Variants in SMYD3 observed in about 807,000 individuals in gnomAD.
SMYD3 encodes histone-lysine N-methyltransferase SMYD3.
In SMYD3, 36 loss-of-function variants were observed where a neutral mutation model predicts 57.7. The observed-to-expected ratio is 0.62, with a 90% CI of 0.48 to 0.82. The LOEUF is 0.82. Ranked by LOEUF, SMYD3 falls within the 40% of genes least tolerant of loss-of-function variation. The pLI is 0.00. For synonymous variants in SMYD3, 211 were observed against 195.0 expected (o/e 1.08, Z -0.68); for missense variants, 515 against 538.8 (o/e 0.96, Z 0.44).
chr1:246,116,479 T>C (rs1274178204), intron 5 of SMYD3, among the ~76,000 whole-genome samples: 2 of 152,214 alleles, frequency 1.3e-5, no homozygotes, highest in African/African-American at 2.4e-5. Flanking sequence ...GAAGATACCA[T>C]ATAACTCAAT....
At chr1:246,035,060 C>A (rs1375344339) in intron 5 of SMYD3, among the ~76,000 whole-genome samples, 2 of 152,170 alleles carry the variant, frequency 1.3e-5, no homozygotes, top group African/African-American at 4.8e-5. Context: ...TCCCCAGCCT[C>A]CCACCTGACC....
chr1:246,083,082 C>G (rs192553516), intron 5 of SMYD3, among the ~76,000 whole-genome samples: 4,273 of 151,784 alleles, frequency 0.028, 198 homozygotes, highest in African/African-American at 0.097. Context: ...AAGACCTGAC[C>G]GTCCCCCAGC....
At chr1:245,753,300 A>G (rs2045471425) in intron 11 of SMYD3, among the ~76,000 whole-genome samples, 1 of 152,170 alleles carries the variant, frequency 6.6e-6, no homozygotes. Context: ...GTAAAACGCC[A>G]TATAGATTTG....
chr1:245,862,548 C>G (rs10924365), intron 9 of SMYD3, among the ~76,000 whole-genome samples: 1 of 151,728 alleles, frequency 6.6e-6, no homozygotes, highest in East Asian at 1.9e-4. Flanking sequence ...CCTCTATTAT[C>G]CTCCCCATCT....
intron 5 of SMYD3, among the ~76,000 whole-genome samples, chr1:245,939,917 G>T (rs1395651786): frequency 1.3e-5 from 2 of 152,196 alleles, no homozygotes; most frequent in African/African-American, 4.8e-5. Flanking sequence ...TGAAAAAGAA[G>T]AAGAGAGAGG....
intron 10 of SMYD3, among the ~76,000 whole-genome samples, chr1:245,828,704 TTC>T (rs1226749822): frequency 1.0e-5 from 1 of 96,764 alleles, no homozygotes; most frequent in African/African-American, 3.5e-5. Flanking sequence ...ATGTCAGTTT[TTC>T]TGATTTTTTT....
At chr1:246,190,584 C>CA (rs11302731) in intron 5 of SMYD3, among the ~76,000 whole-genome samples, 22,171 of 62,912 alleles carry the variant, frequency 0.35, 5,045 homozygotes, top group Non-Finnish European at 0.48. Context: ...GACTCTGTCT[C>CA]AAAAAAAAAA....
intron 5 of SMYD3, among the ~76,000 whole-genome samples, chr1:246,150,975 C>T (rs888465426): frequency 1.3e-5 from 2 of 152,124 alleles, no homozygotes; most frequent in South Asian, 4.1e-4. Flanking sequence ...TGGCTGGGCG[C>T]AGTGGCTCAC....
intron 10 of SMYD3, among the ~76,000 whole-genome samples, chr1:245,807,613 C>G (rs2048250012): frequency 6.6e-6 from 1 of 152,138 alleles, no homozygotes; most frequent in Non-Finnish European, 1.5e-5. Context: ...GCCTTGCATT[C>G]ATGGACTGGT....
chr1:246,299,355 A>AG lies in SMYD3; in HGVS notation c.531+27845dup, dbSNP rs1363785035. On this transcript the variant is annotated intron_variant, in intron 5 of 11. Coordinates refer to ENST00000490107, the MANE Select transcript of SMYD3 (RefSeq NM_001167740.2). ...AAACTCAAAAAATAACATGTTGGTG[A>AG]GGTTGCAGAGAAAAAGGAACGCTTA... 2.0e-5 allele frequency among the ~76,000 whole-genome samples: 3 copies of AG among 152,122 alleles called. 1 individual carries two copies. Among genetic ancestry groups the AG allele is most frequent in the Non-Finnish European group, 4.4e-5 (3 of 68,012 alleles).
intron 1 of SMYD3, among the ~76,000 whole-genome samples, chr1:246,448,766 T>C (rs1572510957): frequency 6.7e-6 from 1 of 148,866 alleles, no homozygotes; most frequent in East Asian, 2.0e-4. Context: ...AACTGTCAGC[T>C]TCCCTAATTT....
At chr1:246,111,996 C>T (rs1214153375) in intron 5 of SMYD3, among the ~76,000 whole-genome samples, 2 of 152,136 alleles carry the variant, frequency 1.3e-5, no homozygotes, top group African/African-American at 2.4e-5. Context: ...GGATGATTAT[C>T]CTGGATAGAT....
chr1:246,117,471 T>A (rs1483221603), intron 5 of SMYD3, among the ~76,000 whole-genome samples: 1 of 152,200 alleles, frequency 6.6e-6, no homozygotes, highest in East Asian at 1.9e-4. Context: ...GATGACTGAT[T>A]ATCTCATTTT....
intron 5 of SMYD3, among the ~76,000 whole-genome samples, chr1:246,295,225 T>A (rs1379657563): frequency 1.3e-5 from 2 of 152,116 alleles, no homozygotes. Flanking sequence ...CGTTCTTTAG[T>A]GTCAGAGACC....
intron 10 of SMYD3, among the ~76,000 whole-genome samples, chr1:245,765,517 T>A (rs1042512617): frequency 2.0e-5 from 3 of 152,132 alleles, no homozygotes; most frequent in African/African-American, 7.2e-5. Flanking sequence ...CATAACTTAG[T>A]ATACCCTAGA....
chr1:246,186,436 A>G (rs2062640925), intron 5 of SMYD3, among the ~76,000 whole-genome samples: 1 of 152,200 alleles, frequency 6.6e-6, no homozygotes, highest in Non-Finnish European at 1.5e-5. Flanking sequence ...AGTGAAAGGC[A>G]GAGCTGACCT....
chr1:246,198,163 A>G lies in SMYD3; in HGVS notation c.531+129038T>C, dbSNP rs115856151. Among the ~76,000 whole-genome samples, 1,198 of 152,284 alleles carry G rather than the reference A, an allele frequency of 7.9e-3. 15 individuals carry two copies. Among genetic ancestry groups the G allele is most frequent in the African/African-American group, 0.027 (1,125 of 41,550 alleles). On this transcript the variant is annotated intron_variant, in intron 5 of 11. Transcript: ENST00000490107. ...AGACAAATAAGGCCCAATCAGCCCAAAGCTTCTCATCACAGGGTAGCCATA... is the reference window on the plus strand; with the variant it reads ...AGACAAATAAGGCCCAATCAGCCCAGAGCTTCTCATCACAGGGTAGCCATA...
At chr1:245,907,588 A>G (rs1279083620) in intron 8 of SMYD3, among the ~76,000 whole-genome samples, 3 of 152,230 alleles carry the variant, frequency 2.0e-5, no homozygotes, top group African/African-American at 7.2e-5. Flanking sequence ...ATCAAATGTT[A>G]TCACTACAGA....
intron 8 of SMYD3, among the ~76,000 whole-genome samples, chr1:245,904,892 T>G (rs1238898506): frequency 2.0e-5 from 3 of 151,528 alleles, no homozygotes; most frequent in African/African-American, 7.3e-5. Flanking sequence ...TCCTGCATCT[T>G]GGATACCAGC....
Sources: gnomAD v4.1 joint callset for allele counts (sites outside exome capture counted in the v4.1 genomes callset) on GRCh38, gnomAD v4.1.1 for gene constraint, MANE v1.5 for transcripts, NCBI Gene and HGNC (gene_info 2026-07-23, HGNC 2026-07-21) for gene names.